FBXO9: variants seen among roughly 807,000 people sequenced by gnomAD.
FBXO9 encodes the protein F-box protein 9.
FBXO9 carries 43 observed loss-of-function variants against 63.7 expected under a neutral mutation model. The observed-to-expected ratio is 0.67, with a 90% CI of 0.53 to 0.87. The LOEUF is 0.87. FBXO9 is among the 40% of genes least tolerant of loss of function. FBXO9 has a pLI of 0.00. For missense variants in FBXO9, 442 were observed against 533.2 expected, an observed-to-expected ratio of 0.83 and a Z score of 1.68; for synonymous variants, 156 against 171.7, an observed-to-expected ratio of 0.91 and a Z score of 0.72.
Position 53,076,542 on chromosome 6 carries a change from A to G in FBXO9, c.306A>G (p.Glu102=). 1 of 1,536,966 alleles carries G rather than the reference A, an allele frequency of 6.5e-7. No homozygotes were observed. The highest frequency in any genetic ancestry group is 1.3e-5 in the South Asian group (1 of 76,154). The change falls in exon 4 of 13, where the codon GAA becomes GAG. Residue 102 remains glutamate (E), a splice_region_variant and synonymous_variant. Coordinates refer to ENST00000323557, the MANE Select transcript of FBXO9 (RefSeq NM_033480.3). ...VEEEQNGALY[E]AIKFYRRAMQ... ...AAGAACAAAATGGAGCTCTCTATGA[A>G]GGTAAAAATTCAGAGCCCAGGTTCA...
Position 53,065,439 on chromosome 6 carries a change from G to A in FBXO9, c.-351G>A, listed in dbSNP as rs1230665528. The A allele has an allele frequency of 7.7e-6, 2 of 258,584 alleles. No individual in the cohort carries two copies. Among genetic ancestry groups the A allele is most frequent in the East Asian group, 6.9e-5 (1 of 14,548 alleles). 16.0% of individuals were successfully genotyped at this position (258,584 alleles called of 1,614,324 possible). On this transcript the variant is annotated 5_prime_UTR_variant, in exon 1 of 13. Coordinates refer to ENST00000323557, the MANE Select transcript of FBXO9 (RefSeq NM_033480.3). ...CGTCGGCGCAGGTTTCCGCAGCTGAGGGGGCAGCTCCGCGGCGGCGTCCGG... is the reference window on the plus strand; with the variant it reads ...CGTCGGCGCAGGTTTCCGCAGCTGAAGGGGCAGCTCCGCGGCGGCGTCCGG...
chr6:53,073,750 A>G lies in FBXO9; in HGVS notation c.249+111A>G, dbSNP rs536329855. 123 of 890,166 alleles carry G rather than the reference A, an allele frequency of 1.4e-4. 2 individuals are homozygous for G. In the South Asian group the frequency reaches 2.0e-3, roughly 14 times the overall value. 55.1% of individuals were successfully genotyped at this position (890,166 alleles called of 1,614,324 possible). ...AACCAGACTTTCGGGACATAAACAC[A>G]TATCTTGTAAAATAAAAATTTTGAC... On this transcript the variant is annotated intron_variant, in intron 3 of 12. Coordinates refer to ENST00000323557, the MANE Select transcript of FBXO9 (RefSeq NM_033480.3).
intron 4 of FBXO9, 77 bp downstream of exon 4, chr6:53,076,620 A>G (rs1769120934): frequency 3.6e-6 from 4 of 1,102,634 alleles, no homozygotes; most frequent in Non-Finnish European, 5.0e-6. Context: ...TTTTTTTTCT[A>G]TAACTTATTT....
chr6:53,079,317 C>T (rs555139220), intron 5 of FBXO9, among the ~76,000 whole-genome samples: 121 of 152,068 alleles, frequency 8.0e-4, no homozygotes, highest in African/African-American at 2.8e-3. Context: ...AGTTTCCTTA[C>T]GTATATGTTT....
At chr6:53,085,072 A>T (rs1243330623) in intron 7 of FBXO9, among the ~76,000 whole-genome samples, 1 of 152,208 alleles carries the variant, frequency 6.6e-6, no homozygotes, top group Non-Finnish European at 1.5e-5. Context: ...TATTGAACTT[A>T]TATAAATAAA....
chr6:53,087,169 C>A (rs1762912087), intron 7 of FBXO9, among the ~76,000 whole-genome samples: 1 of 151,798 alleles, frequency 6.6e-6, no homozygotes, highest in Non-Finnish European at 1.5e-5. Flanking sequence ...TGACGAAACC[C>A]CGTCTCTATG....
At chr6:53,088,438 C>T (rs1762953313) in intron 7 of FBXO9, among the ~76,000 whole-genome samples, 1 of 152,176 alleles carries the variant, frequency 6.6e-6, no homozygotes. Flanking sequence ...ATGTAGTCAG[C>T]TGGAATCCCA....
At chr6:53,089,080 T>G (rs1415760823) in intron 7 of FBXO9, among the ~76,000 whole-genome samples, 2 of 142,446 alleles carry the variant, frequency 1.4e-5, no homozygotes, top group Non-Finnish European at 3.1e-5. Context: ...TTTGTTTTTG[T>G]TTTTTTTTTT....
intron 9 of FBXO9, 63 bp downstream of exon 9, chr6:53,092,887 C>A: frequency 9.0e-7 from 1 of 1,112,822 alleles, no homozygotes; most frequent in South Asian, 1.5e-5. Context: ...GTTAAATGGA[C>A]ATCTGTTCTT....
At chr6:53,086,794 A>C (rs1401714713) in intron 7 of FBXO9, among the ~76,000 whole-genome samples, 1 of 152,152 alleles carries the variant, frequency 6.6e-6, no homozygotes, top group Non-Finnish European at 1.5e-5. Flanking sequence ...CAGGCCGGAC[A>C]TGGTCACTCA....
Position 53,065,597 on chromosome 6 carries a change from C to A in FBXO9, c.-193C>A. Reference sequence around the variant, plus strand: ...CGCCCCGATCTGGCCCCCTGCCCCGCGAAGATGGCTGCCGTACGCCGGGCC... The same window carrying A: ...CGCCCCGATCTGGCCCCCTGCCCCGAGAAGATGGCTGCCGTACGCCGGGCC... On this transcript the variant is annotated 5_prime_UTR_variant, in exon 1 of 13. Coordinates refer to ENST00000323557, the MANE Select transcript of FBXO9 (RefSeq NM_033480.3). 1 of 626,890 alleles carries A rather than the reference C, an allele frequency of 1.6e-6. No individual in the cohort carries two copies. Among genetic ancestry groups the A allele is most frequent in the Non-Finnish European group, 2.3e-6 (1 of 426,640 alleles). The allele number at this position is 626,890 out of a possible 1,614,324, so 38.8% of individuals were successfully genotyped here. A position where few individuals can be genotyped will look rare whatever the true frequency, so the allele number is the denominator to read the frequency against.
chr6:53,082,659 A>G (rs772253878), intron 7 of FBXO9, 41 bp downstream of exon 7: 8 of 1,399,376 alleles, frequency 5.7e-6, no homozygotes, highest in East Asian at 4.6e-5. Flanking sequence ...AACTGAGGCA[A>G]TGGTGAAAAG....
At chr6:53,081,896 C>T (rs1168780987) in intron 6 of FBXO9, among the ~76,000 whole-genome samples, 1 of 152,042 alleles carries the variant, frequency 6.6e-6, no homozygotes, top group Non-Finnish European at 1.5e-5. Flanking sequence ...TGGTGAAACC[C>T]CACCTCTACT....
Position 53,100,219 on chromosome 6 carries a change from G to C in FBXO9, c.*2389G>C, listed in dbSNP as rs1763313538. On this transcript the variant is annotated 3_prime_UTR_variant, in exon 13 of 13. Transcript: ENST00000323557. The stretch of plus-strand genomic sequence containing the variant: ...CAAAGATAACCAGAAGAAAATTTTT[G>C]CTATGTAACCTTTTTCTTCTGGTCT... 6.6e-6 allele frequency: 1 copy of C among 151,972 alleles called. No homozygotes were observed. Among genetic ancestry groups the C allele is most frequent in the Admixed American group, 6.6e-5 (1 of 15,264 alleles). The allele number at this position is 151,972 out of a possible 1,614,324, so 9.4% of individuals were successfully genotyped here.
At chr6:53,089,199 C>T (rs545103760) in intron 7 of FBXO9, among the ~76,000 whole-genome samples, 5 of 152,218 alleles carry the variant, frequency 3.3e-5, no homozygotes, top group African/African-American at 1.2e-4. Flanking sequence ...CTCAGCCTCC[C>T]CAGTAGCTGG....
intron 11 of FBXO9, chr6:53,094,898 G>A (rs1581833296): frequency 4.3e-6 from 1 of 230,338 alleles, no homozygotes; most frequent in Admixed American, 5.7e-5. Flanking sequence ...AATTAAAAGA[G>A]TTTAGGAACT....
At chr6:53,068,675 C>G (rs1768802647) in intron 1 of FBXO9, among the ~76,000 whole-genome samples, 1 of 122,212 alleles carries the variant, frequency 8.2e-6, no homozygotes. Flanking sequence ...TTTTTTGAGA[C>G]AGGGTCTCTC....
chr6:53,095,370 TCATA>T, intron 11 of FBXO9, 139 bp from the exon 12 acceptor site: 3 of 648,752 alleles, frequency 4.6e-6, no homozygotes, highest in Non-Finnish European at 7.4e-6. Flanking sequence ...TTTAAAGCAC[TCATA>T]CATTCTTGTG....
At chr6:53,070,665 A>T (rs954109224) in intron 1 of FBXO9, among the ~76,000 whole-genome samples, 9 of 152,332 alleles carry the variant, frequency 5.9e-5, no homozygotes, top group African/African-American at 1.9e-4. Flanking sequence ...GTTATATGCA[A>T]ATATGCCATA....
Sources: gnomAD v4.1 joint callset for allele counts (sites outside exome capture counted in the v4.1 genomes callset) on GRCh38, gnomAD v4.1.1 for gene constraint, MANE v1.5 for transcripts, NCBI Gene and HGNC (gene_info 2026-07-23, HGNC 2026-07-21) for gene names.